Variants in CENPP observed in about 807,000 individuals in gnomAD.
The protein encoded by CENPP is centromere protein P.
A neutral mutation model predicts 35.6 loss-of-function variants in CENPP; 24 were observed. The observed-to-expected ratio is 0.67, with a 90% CI of 0.49 to 0.95. The LOEUF is 0.95. Among genes scored for constraint, CENPP ranks in the 40% least tolerant of loss-of-function variants. The pLI is 0.00. For missense variants in CENPP, 332 were observed against 345.3 expected (o/e 0.96, Z 0.31); for synonymous variants, 120 against 125.5 (o/e 0.96, Z 0.29).
intron 5 of CENPP, among the ~76,000 whole-genome samples, chr9:92,601,173 A>G (rs970704279): frequency 6.6e-6 from 1 of 152,188 alleles, no homozygotes; most frequent in Non-Finnish European, 1.5e-5. Flanking sequence ...GTATCACTAC[A>G]TGGACGTATT....
intron 5 of CENPP, among the ~76,000 whole-genome samples, chr9:92,435,916 G>C (rs912915874): frequency 1.6e-4 from 24 of 152,160 alleles, no homozygotes; most frequent in African/African-American, 5.8e-4. Context: ...TTTCTATGGG[G>C]TACATGCCCA....
At chr9:92,611,860 G>A (rs924366697) in intron 6 of CENPP, among the ~76,000 whole-genome samples, 2 of 152,226 alleles carry the variant, frequency 1.3e-5, no homozygotes, top group African/African-American at 2.4e-5. Context: ...GTGCATGTGT[G>A]GACATGTATC....
chr9:92,531,999 TC>T, intron 5 of CENPP, among the ~76,000 whole-genome samples: 1 of 149,706 alleles, frequency 6.7e-6, no homozygotes, highest in East Asian at 1.9e-4. Flanking sequence ...CTTTTCTTTT[TC>T]TTTTTTTATT....
intron 1 of CENPP, among the ~76,000 whole-genome samples, chr9:92,326,684 A>G (rs1172642250): frequency 6.6e-6 from 1 of 152,226 alleles, no homozygotes; most frequent in Non-Finnish European, 1.5e-5. Context: ...TTCCAGAGAA[A>G]GGAATTGTCA....
chr9:92,402,997 A>G (rs1843180814), intron 5 of CENPP, among the ~76,000 whole-genome samples: 1 of 152,118 alleles, frequency 6.6e-6, no homozygotes, highest in Admixed American at 6.6e-5. Flanking sequence ...GTTTTCTTTA[A>G]GTTTTATTTT....
chr9:92,376,748 G>A (rs1177459582), intron 4 of CENPP, among the ~76,000 whole-genome samples: 1 of 152,102 alleles, frequency 6.6e-6, no homozygotes, highest in Admixed American at 6.6e-5. Flanking sequence ...ACAAAGAAAA[G>A]GGAAGATGGA....
chr9:92,382,940 C>T (rs1842294925), intron 5 of CENPP, among the ~76,000 whole-genome samples: 1 of 128,222 alleles, frequency 7.8e-6, no homozygotes, highest in Non-Finnish European at 1.6e-5. Context: ...GCTCTGTCGC[C>T]TAGGCTAGAG....
chr9:92,554,238 C>T (rs1306100346), intron 5 of CENPP, among the ~76,000 whole-genome samples: 2 of 151,442 alleles, frequency 1.3e-5, no homozygotes, highest in Non-Finnish European at 2.9e-5. Flanking sequence ...GGCTGGAGTG[C>T]AATGGCACAA....
At chr9:92,446,114 A>G (rs1393524273) in intron 5 of CENPP, among the ~76,000 whole-genome samples, 1 of 152,210 alleles carries the variant, frequency 6.6e-6, no homozygotes, top group Non-Finnish European at 1.5e-5. Context: ...GGAAGTCTTA[A>G]TACCAGGACT....
intron 5 of CENPP, chr9:92,417,026 T>A (rs1303011699): frequency 6.2e-7 from 1 of 1,613,978 alleles, no homozygotes. Flanking sequence ...AGCATTTGTC[T>A]GCAGTTTGGA....
chr9:92,576,696 A>G (rs1588290304), intron 5 of CENPP, among the ~76,000 whole-genome samples: 1 of 152,144 alleles, frequency 6.6e-6, no homozygotes, highest in South Asian at 2.1e-4. Flanking sequence ...AATGCATTAC[A>G]TGTGTATACA....
At position 92,607,192 on chromosome 9, in the gene CENPP, T is replaced by C. The variant is rs183696042; in HGVS notation, c.565-4122T>C. ...TTTTGTATTTGGTGTGCAGTAAGCA[T>C]TGAAGTTTGTTTTTTTTATCATGTG... On this transcript the variant is annotated intron_variant, in intron 5 of 7. Coordinates refer to ENST00000375587, the MANE Select transcript of CENPP (RefSeq NM_001012267.3). Among the ~76,000 whole-genome samples, 10 of 143,792 alleles carry C rather than the reference T, an allele frequency of 7.0e-5. No individual in the cohort carries two copies. In the East Asian group the frequency reaches 2.9e-3, roughly 41 times the overall value. The allele number at this position is 143,792 out of a possible 152,430, so 94.3% of individuals were successfully genotyped here.
chr9:92,582,030 G>GTGTTT (rs56879645), intron 5 of CENPP, among the ~76,000 whole-genome samples: 19,428 of 149,578 alleles, frequency 0.13, 1,351 homozygotes, highest in African/African-American at 0.15. Context: ...ACACTTGGTG[G>GTGTTT]TGTTTTGTTT....
At chr9:92,345,980 A>G (rs1423738055) in intron 4 of CENPP, among the ~76,000 whole-genome samples, 193 bp downstream of exon 4, 1 of 152,200 alleles carries the variant, frequency 6.6e-6, no homozygotes, top group Non-Finnish European at 1.5e-5. Flanking sequence ...TTTATTGCAC[A>G]TTCACTATGT....
intron 5 of CENPP, among the ~76,000 whole-genome samples, chr9:92,500,099 T>C (rs1046162082): frequency 6.6e-6 from 1 of 152,250 alleles, no homozygotes. Flanking sequence ...TATTTATACA[T>C]GGAGGTAGGA....
chr9:92,422,592 T>C (rs1369117368), intron 5 of CENPP, among the ~76,000 whole-genome samples: 2 of 152,142 alleles, frequency 1.3e-5, no homozygotes, highest in African/African-American at 4.8e-5. Flanking sequence ...GAGGAACAAT[T>C]TCTCTTCTAA....
intron 5 of CENPP, among the ~76,000 whole-genome samples, chr9:92,578,409 C>G (rs1588291713): frequency 6.6e-6 from 1 of 152,074 alleles, no homozygotes; most frequent in African/African-American, 2.4e-5. Context: ...AGTTTACAGT[C>G]CCACCAACAG....
intron 5 of CENPP, chr9:92,416,682 T>C: frequency 6.2e-7 from 1 of 1,610,632 alleles, no homozygotes; most frequent in South Asian, 1.1e-5. Flanking sequence ...AATGCTTGCT[T>C]CAATTTGTTG....
rs1851314382 is a variant in CENPP, at chr9:92,613,012, T to C, written c.737-7T>C. ...GTTTCTTACCCGGTTTAATGTTTTC[T>C]TTATAGCCCTGGAGCTGGACAAGAA... On this transcript the variant is annotated splice_polypyrimidine_tract_variant and splice_region_variant and intron_variant, in intron 7 of 7. Coordinates refer to ENST00000375587, the MANE Select transcript of CENPP (RefSeq NM_001012267.3). 6.2e-7 allele frequency: 1 copy of C among 1,613,930 alleles called. No individual in the cohort carries two copies. The highest frequency in any genetic ancestry group is 1.3e-5 in the African/African-American group (1 of 74,902).
Sources: allele counts gnomAD v4.1 joint callset (sites outside exome capture counted in the v4.1 genomes callset), GRCh38; gene constraint gnomAD v4.1.1; transcripts MANE v1.5; gene names NCBI Gene and HGNC (gene_info 2026-07-23, HGNC 2026-07-21).